Variants in PCDH15 observed in about 807,000 individuals in gnomAD.
The protein encoded by PCDH15 is protocadherin-15.
PCDH15 carries 129 observed loss-of-function variants against 178.5 expected under a neutral mutation model. That is an observed-to-expected ratio of 0.72 (90% CI 0.63 to 0.84). PCDH15 has a LOEUF of 0.84. PCDH15 is among the 40% of genes least tolerant of loss of function. The pLI is 0.00. For synonymous variants in PCDH15, 800 were observed against 732.0 expected (o/e 1.09, Z -1.50); for missense variants, 2,230 against 2,099.9 (o/e 1.06, Z -1.21).
At chr10:55,600,902 T>G (rs1843062325) in intron 2 of PCDH15, among the ~76,000 whole-genome samples, 1 of 152,128 alleles carries the variant, frequency 6.6e-6, no homozygotes, top group Non-Finnish European at 1.5e-5. Context: ...TTTATTTATT[T>G]TTGGCTCCAT....
At position 54,896,213 on chromosome 10, in the gene PCDH15, C is replaced by T. The variant is rs916074628; in HGVS notation, c.-29+1237G>A. ...CTTTTAAAGAAACAAAGTAGGTAAA[C>T]ATAAATGCAAATCAGTTATTTTTTA... On this transcript the variant is annotated intron_variant, in intron 3 of 5. Transcript: ENST00000458638. Among the ~76,000 whole-genome samples, 19 of 152,100 alleles carry T rather than the reference C, an allele frequency of 1.2e-4. 1 individual carries two copies. Among genetic ancestry groups the T allele is most frequent in the Admixed American group, 2.6e-4 (4 of 15,240 alleles).
At chr10:55,250,371 T>C (rs1564932118) in intron 1 of PCDH15, among the ~76,000 whole-genome samples, 1 of 151,650 alleles carries the variant, frequency 6.6e-6, no homozygotes, top group African/African-American at 2.4e-5. Flanking sequence ...GGTCCCAAAC[T>C]CCTGGGCTAC....
intron 2 of PCDH15, among the ~76,000 whole-genome samples, chr10:55,156,972 G>T (rs1275794728): frequency 6.6e-6 from 1 of 151,718 alleles, no homozygotes; most frequent in Non-Finnish European, 1.5e-5. Context: ...TAAACTCTTG[G>T]GTCAGCCCTT....
chr10:54,518,209 A>G, intron 3 of PCDH15, among the ~76,000 whole-genome samples: 1 of 152,118 alleles, frequency 6.6e-6, no homozygotes, highest in East Asian at 1.9e-4. Flanking sequence ...AATAACTAAA[A>G]TCAGTGCAGA....
chr10:54,330,436 A>G (rs1411768713), intron 6 of PCDH15, among the ~76,000 whole-genome samples: 1 of 151,984 alleles, frequency 6.6e-6, no homozygotes, highest in Non-Finnish European at 1.5e-5. Flanking sequence ...AACATAGAAA[A>G]GGTATAGTAG....
chr10:54,515,052 G>A (rs569237571), intron 3 of PCDH15, among the ~76,000 whole-genome samples: 6 of 152,200 alleles, frequency 3.9e-5, no homozygotes, highest in South Asian at 2.1e-4. Context: ...CGTGAGTGAC[G>A]CAGAAGACAG....
intron 2 of PCDH15, among the ~76,000 whole-genome samples, chr10:54,916,689 T>A (rs1337990412): frequency 6.6e-6 from 1 of 152,194 alleles, no homozygotes; most frequent in Non-Finnish European, 1.5e-5. Context: ...TATCACCTTT[T>A]ATATCTATCT....
At chr10:55,213,999 C>A (rs756036169) in intron 1 of PCDH15, among the ~76,000 whole-genome samples, 80 of 151,828 alleles carry the variant, frequency 5.3e-4, no homozygotes, top group Non-Finnish European at 2.2e-4. Flanking sequence ...ACCTAGTTTC[C>A]ATTAGAAGCT....
At chr10:54,384,196 C>T (rs985528467) in intron 3 of PCDH15, among the ~76,000 whole-genome samples, 2 of 151,970 alleles carry the variant, frequency 1.3e-5, no homozygotes, top group African/African-American at 2.4e-5. Context: ...CAAAAAAGCC[C>T]TGCTTGATGA....
At chr10:54,285,285 G>A in intron 8 of PCDH15, among the ~76,000 whole-genome samples, 1 of 149,820 alleles carries the variant, frequency 6.7e-6, no homozygotes. Context: ...AGAGTAAAGA[G>A]ACAACCTAAG....
rs11004140 is a variant in PCDH15, at chr10:54,211,659, T to C, written c.1098+2277A>G. Reference sequence around the variant, plus strand: ...ATGTAGGAGAAGAGACTTCATTTTATTTTTTCTCCGCTTTTGAAACATAAA... The same window carrying C: ...ATGTAGGAGAAGAGACTTCATTTTACTTTTTCTCCGCTTTTGAAACATAAA... On this transcript the variant is annotated intron_variant, in intron 10 of 37. Coordinates refer to ENST00000644397, the MANE Select transcript of PCDH15 (RefSeq NM_001384140.1). Among the ~76,000 whole-genome samples, 225 of 152,182 alleles carry C rather than the reference T, an allele frequency of 1.5e-3. 1 individual carries two copies. The highest frequency in any genetic ancestry group is 2.5e-3 in the Non-Finnish European group (173 of 67,970).
chr10:55,469,478 T>C (rs1012141331), intron 2 of PCDH15, among the ~76,000 whole-genome samples: 2 of 152,122 alleles, frequency 1.3e-5, no homozygotes, highest in Non-Finnish European at 2.9e-5. Context: ...CTGTTTCCCT[T>C]GCCAGTATGT....
chr10:55,049,992 T>A (rs1484046364), intron 2 of PCDH15, among the ~76,000 whole-genome samples: 1 of 152,030 alleles, frequency 6.6e-6, no homozygotes. Context: ...TATTTTGCAA[T>A]TGTTGATCTA....
intron 3 of PCDH15, among the ~76,000 whole-genome samples, chr10:54,421,948 A>ATATATACACT: frequency 1.1e-5 from 1 of 89,906 alleles, no homozygotes; most frequent in East Asian, 2.1e-4. Context: ...TATATATAAA[A>ATATATACACT]ATATATATAT....
chr10:54,797,543 C>G (rs910241795), intron 1 of PCDH15, among the ~76,000 whole-genome samples: 1 of 138,250 alleles, frequency 7.2e-6, no homozygotes, highest in African/African-American at 2.6e-5. Flanking sequence ...CACACACACA[C>G]ACACACACGA....
At chr10:55,371,167 T>G (rs550258503) in intron 2 of PCDH15, among the ~76,000 whole-genome samples, 1 of 151,658 alleles carries the variant, frequency 6.6e-6, no homozygotes, top group African/African-American at 2.4e-5. Flanking sequence ...ATACGGAGAG[T>G]ATAGATTAAA....
Position 54,735,946 on chromosome 10 carries a change from G to A in PCDH15, c.-29+64979C>T, listed in dbSNP as rs532411372. Among the ~76,000 whole-genome samples, 162 of 146,338 alleles carry A rather than the reference G, an allele frequency of 1.1e-3. 2 individuals carry two copies. The highest frequency in any genetic ancestry group is 3.4e-3 in the African/African-American group (134 of 39,368). Reference sequence around the variant, plus strand: ...ACGAGTTAGTGGGTGCAGCGCACCAGCATGGCACATGTATACATATGTAAC... The same window carrying A: ...ACGAGTTAGTGGGTGCAGCGCACCAACATGGCACATGTATACATATGTAAC... On this transcript the variant is annotated intron_variant, in intron 1 of 37. Coordinates refer to ENST00000644397, the MANE Select transcript of PCDH15 (RefSeq NM_001384140.1).
intron 1 of PCDH15, among the ~76,000 whole-genome samples, chr10:55,210,710 T>G (rs1241359308): frequency 7.5e-6 from 1 of 132,586 alleles, no homozygotes; most frequent in Admixed American, 8.6e-5. Context: ...CTCACTGCAA[T>G]CTCTGCCTCC....
chr10:54,951,910 C>T (rs916776425), intron 2 of PCDH15, among the ~76,000 whole-genome samples: 17 of 151,762 alleles, frequency 1.1e-4, no homozygotes, highest in African/African-American at 3.6e-4. Context: ...TTTATTGTTT[C>T]CCTTAATAAT....
Sources: gnomAD v4.1 joint callset for allele counts (sites outside exome capture counted in the v4.1 genomes callset) on GRCh38, gnomAD v4.1.1 for gene constraint, MANE v1.5 for transcripts, NCBI Gene and HGNC (gene_info 2026-07-23, HGNC 2026-07-21) for gene names.